MAGI3: variants seen among roughly 807,000 people sequenced by gnomAD.
MAGI3 encodes the protein membrane-associated guanylate kinase, WW and PDZ domain-containing protein 3.
MAGI3 carries 43 observed loss-of-function variants against 121.8 expected under a neutral mutation model. The ratio of observed to expected loss-of-function variants is 0.35; its 90% confidence interval spans 0.28 to 0.46. MAGI3 has a LOEUF of 0.46. MAGI3 is among the 20% of genes least tolerant of loss of function. MAGI3 has a pLI of 1.00. For missense variants in MAGI3, 1,547 were observed against 1,797.3 expected (o/e 0.86, Z 2.52); for synonymous variants, 553 against 639.3 (o/e 0.86, Z 2.04).
chr1:113,484,118 A>G (rs1407751428), intron 1 of MAGI3, among the ~76,000 whole-genome samples: 1 of 152,198 alleles, frequency 6.6e-6, no homozygotes, highest in African/African-American at 2.4e-5. Context: ...AAAATTGAAA[A>G]TCACTTTGAA....
At chr1:113,430,475 G>T (rs1653247855) in intron 1 of MAGI3, among the ~76,000 whole-genome samples, 2 of 152,250 alleles carry the variant, frequency 1.3e-5, no homozygotes, top group South Asian at 4.1e-4. Flanking sequence ...ATTTGGCTTT[G>T]TGACTTTTTT....
intron 1 of MAGI3, among the ~76,000 whole-genome samples, chr1:113,528,294 C>CA (rs1382624222): frequency 7.2e-6 from 1 of 138,194 alleles, no homozygotes; most frequent in Non-Finnish European, 1.6e-5. Flanking sequence ...CTCCCCCAAC[C>CA]TTTTTTTTTT....
chr1:113,634,717 CT>C (rs1319767470), intron 9 of MAGI3, among the ~76,000 whole-genome samples: 2 of 151,934 alleles, frequency 1.3e-5, no homozygotes, highest in South Asian at 2.1e-4. Context: ...GCAATGTGGG[CT>C]TTTTTTTGGT....
intron 2 of MAGI3, among the ~76,000 whole-genome samples, chr1:113,575,412 T>A (rs1647563908): frequency 6.6e-6 from 1 of 152,208 alleles, no homozygotes; most frequent in Non-Finnish European, 1.5e-5. Context: ...TGTTATTGCT[T>A]TCTGTTTGTT....
At chr1:113,481,432 C>G (rs1411036076) in intron 1 of MAGI3, among the ~76,000 whole-genome samples, 16 of 152,144 alleles carry the variant, frequency 1.1e-4, no homozygotes, top group Admixed American at 1.0e-3. Context: ...AGAGTTACTA[C>G]ATTCAATTAT....
At chr1:113,515,898 A>G (rs1291815815) in intron 1 of MAGI3, among the ~76,000 whole-genome samples, 7 of 152,050 alleles carry the variant, frequency 4.6e-5, no homozygotes, top group Non-Finnish European at 1.0e-4. Context: ...GAATTGTACT[A>G]TTATAGATCA....
intron 1 of MAGI3, among the ~76,000 whole-genome samples, chr1:113,514,446 T>C (rs542865066): frequency 2.3e-4 from 35 of 152,074 alleles, no homozygotes; most frequent in African/African-American, 8.4e-4. Context: ...TATGCAGCCA[T>C]AAAAAATGAT....
At chr1:113,420,305 A>G (rs1243385871) in intron 1 of MAGI3, among the ~76,000 whole-genome samples, 1 of 152,164 alleles carries the variant, frequency 6.6e-6, no homozygotes, top group Non-Finnish European at 1.5e-5. Context: ...TATAATTTGG[A>G]TATGGAACAA....
chr1:113,464,415 T>C (rs1655176612), intron 1 of MAGI3, among the ~76,000 whole-genome samples: 1 of 152,170 alleles, frequency 6.6e-6, no homozygotes, highest in African/African-American at 2.4e-5. Flanking sequence ...AGCACTTAGG[T>C]TGATTTATAT....
At chr1:113,559,567 CT>C (rs200737453) in intron 2 of MAGI3, among the ~76,000 whole-genome samples, 2 of 150,598 alleles carry the variant, frequency 1.3e-5, no homozygotes, top group African/African-American at 2.4e-5. Flanking sequence ...CATAAAGTTC[CT>C]TTTTTTTGTT....
rs370173979 is a variant in MAGI3, at chr1:113,585,621, T to C, written c.763+25T>C. 4,373 of 1,565,644 alleles carry C rather than the reference T, an allele frequency of 2.8e-3. 137 individuals carry two copies. The South Asian group carries it at 0.046, about 17-fold the overall frequency. On this transcript the variant is annotated intron_variant, in intron 4 of 20. Coordinates refer to ENST00000307546, the MANE Select transcript of MAGI3 (RefSeq NM_001142782.2). Reference sequence around the variant, plus strand: ...GGTTTGTAAATAGATGAACAACTTCTAACTGATCTTCTAGATTGATTTTAC... The same window carrying C: ...GGTTTGTAAATAGATGAACAACTTCCAACTGATCTTCTAGATTGATTTTAC...
At chr1:113,543,743 C>G (rs1659398624) in intron 1 of MAGI3, among the ~76,000 whole-genome samples, 1 of 151,968 alleles carries the variant, frequency 6.6e-6, no homozygotes, top group Admixed American at 6.6e-5. Context: ...TGGCGTGTGC[C>G]TGTGGTCCCA....
chr1:113,621,464 G>A (rs1650815910), intron 8 of MAGI3, among the ~76,000 whole-genome samples: 1 of 152,098 alleles, frequency 6.6e-6, no homozygotes, highest in South Asian at 2.1e-4. Flanking sequence ...TGGGAGGTCA[G>A]ACAGTACAAC....
chr1:113,576,086 G>A (rs1647617653), intron 2 of MAGI3, among the ~76,000 whole-genome samples: 1 of 152,200 alleles, frequency 6.6e-6, no homozygotes, highest in Non-Finnish European at 1.5e-5. Flanking sequence ...TGCTGTGCTG[G>A]CACTGAGAAT....
At chr1:113,641,065 T>TATATG (rs1652473782) in intron 9 of MAGI3, among the ~76,000 whole-genome samples, 1 of 54,508 alleles carries the variant, frequency 1.8e-5, no homozygotes. Context: ...TTATATATGA[T>TATATG]ATATATAATA....
At chr1:113,668,250 A>G (rs181841298) in intron 16 of MAGI3, among the ~76,000 whole-genome samples, 24 of 152,314 alleles carry the variant, frequency 1.6e-4, no homozygotes, top group Middle Eastern at 6.8e-3. Context: ...AATGCAATAA[A>G]ATGAAGTGTA....
At chr1:113,396,192 G>A (rs1486461686) in intron 1 of MAGI3, among the ~76,000 whole-genome samples, 2 of 151,746 alleles carry the variant, frequency 1.3e-5, no homozygotes, top group Non-Finnish European at 2.9e-5. Context: ...ATTTTTGGGG[G>A]GACTTAGTGT....
intron 10 of MAGI3, 106 bp from the exon 11 acceptor site, chr1:113,643,637 A>T: frequency 1.0e-6 from 1 of 983,400 alleles, no homozygotes; most frequent in Non-Finnish European, 1.6e-6. Flanking sequence ...CACAGAATTT[A>T]CTAGCGTACT....
chr1:113,589,496 T>C (rs1466611756), intron 4 of MAGI3, among the ~76,000 whole-genome samples: 1 of 152,076 alleles, frequency 6.6e-6, no homozygotes, highest in East Asian at 1.9e-4. Context: ...GAATCAGGAA[T>C]ATTTACAAGG....
Sources: allele counts gnomAD v4.1 joint callset (sites outside exome capture counted in the v4.1 genomes callset), GRCh38; gene constraint gnomAD v4.1.1; transcripts MANE v1.5; gene names NCBI Gene and HGNC (gene_info 2026-07-23, HGNC 2026-07-21).